Variants in P4HA2 observed in about 807,000 individuals in gnomAD.
The protein encoded by P4HA2 is prolyl 4-hydroxylase subunit alpha 2.
P4HA2 carries 46 observed loss-of-function variants against 76.9 expected under a neutral mutation model. The observed-to-expected ratio is 0.60, with a 90% confidence interval of 0.47 to 0.76. The LOEUF (loss-of-function observed/expected upper bound fraction) is 0.76. P4HA2 is among the 30% of genes least tolerant of loss of function. The probability of loss-of-function intolerance (pLI) is 0.00; values close to 1 mark genes in which losing one functional copy is unlikely to be tolerated. For synonymous variants in P4HA2, 243 were observed against 254.0 expected, an observed-to-expected ratio of 0.96 and a Z score of 0.41; for missense variants, 583 against 669.4, an observed-to-expected ratio of 0.87 and a Z score of 1.42.
chr5:132,216,162 CAAAAAAAAAAAAAAAA>C (rs5871448), intron 4 of P4HA2, among the ~76,000 whole-genome samples: 1 of 63,168 alleles, frequency 1.6e-5, no homozygotes, highest in African/African-American at 6.8e-5. Context: ...GACTCAGTCT[CAAAAAAAAAAAAAAAA>C]AAAAAAAAAG....
At chr5:132,195,363 A>C in intron 13 of P4HA2, 49 bp downstream of exon 13, 1 of 1,360,032 alleles carries the variant, frequency 7.4e-7, no homozygotes, top group Non-Finnish European at 1.1e-6. Flanking sequence ...TGGACAAAGT[A>C]AAGTCTGAGC....
chr5:132,209,904 GCA>G (rs1327419666), intron 6 of P4HA2, among the ~76,000 whole-genome samples: 4 of 151,970 alleles, frequency 2.6e-5, no homozygotes, highest in Admixed American at 2.6e-4. Context: ...GCCTCTAATA[GCA>G]CCGCTACTGT....
chr5:132,211,527 G>T (rs992669066), intron 5 of P4HA2, among the ~76,000 whole-genome samples: 2 of 152,198 alleles, frequency 1.3e-5, no homozygotes, highest in Admixed American at 1.3e-4. Flanking sequence ...AGAGACCAGG[G>T]TCTGCTAACC....
At chr5:132,205,350 G>T (rs1277850008) in intron 8 of P4HA2, among the ~76,000 whole-genome samples, 1 of 152,160 alleles carries the variant, frequency 6.6e-6, no homozygotes, top group East Asian at 1.9e-4. Context: ...AGTAGGTGTG[G>T]ATTAAAGGTT....
chr5:132,224,786 C>G (rs2126641888), intron 1 of P4HA2, among the ~76,000 whole-genome samples: 1 of 152,186 alleles, frequency 6.6e-6, no homozygotes, highest in South Asian at 2.1e-4. Flanking sequence ...CAGGCTCCTA[C>G]AAGTACCCAG....
intron 5 of P4HA2, among the ~76,000 whole-genome samples, chr5:132,212,617 G>A (rs145802072): frequency 1.1e-3 from 175 of 152,226 alleles, no homozygotes; most frequent in Non-Finnish European, 1.9e-3. Flanking sequence ...AAAGGCATCC[G>A]TCTACACTGG....
chr5:132,214,781 C>A (rs1383122509), intron 4 of P4HA2, among the ~76,000 whole-genome samples: 1 of 152,136 alleles, frequency 6.6e-6, no homozygotes, highest in Non-Finnish European at 1.5e-5. Flanking sequence ...CCACTCAGAC[C>A]TTCAATGAGT....
rs182698226 is a variant in P4HA2, at chr5:132,207,546, G to C, written c.1080+162C>G. On this transcript the variant is annotated intron_variant, in intron 8 of 14. Coordinates refer to ENST00000360568, the MANE Select transcript of P4HA2 (RefSeq NM_001017974.2). ...CTTCCACTGGACCATGAACTCACAA[G>C]GTCAGGCTGAGTCTGAAGCATCTCT... Among the ~76,000 whole-genome samples the C allele has an allele frequency of 2.5e-4, 38 of 152,220 alleles. 1 individual carries two copies. The highest frequency in any genetic ancestry group is 2.4e-3 in the Admixed American group (37 of 15,300).
chr5:132,214,986 C>CT, intron 4 of P4HA2, among the ~76,000 whole-genome samples: 1 of 152,216 alleles, frequency 6.6e-6, no homozygotes, highest in Middle Eastern at 3.2e-3. Context: ...AATTCTGCCT[C>CT]TAAGCTGAGA....
At chr5:132,205,428 G>A (rs1368257935) in intron 8 of P4HA2, among the ~76,000 whole-genome samples, 1 of 152,146 alleles carries the variant, frequency 6.6e-6, no homozygotes, top group African/African-American at 2.4e-5. Flanking sequence ...GCAACCTTGT[G>A]GCCAACGAGA....
At chr5:132,220,510 A>C (rs7733502) in intron 1 of P4HA2, among the ~76,000 whole-genome samples, 56,329 of 152,134 alleles carry the variant, frequency 0.37, 11,077 homozygotes, top group Non-Finnish European at 0.45. Context: ...CAGCATCTCT[A>C]CCCAGGTGTG....
chr5:132,218,079 T>C (rs1312040863), intron 2 of P4HA2, among the ~76,000 whole-genome samples: 2 of 152,160 alleles, frequency 1.3e-5, no homozygotes, highest in African/African-American at 4.8e-5. Flanking sequence ...TTGAGATAAG[T>C]GCACTGGATG....
intron 8 of P4HA2, 66 bp downstream of exon 8, chr5:132,207,642 T>G (rs764578135): frequency 3.0e-5 from 43 of 1,411,178 alleles, no homozygotes; most frequent in Non-Finnish European, 4.2e-5. Context: ...CCACCCATAG[T>G]GCTAGGGATG....
chr5:132,224,040 G>A (rs1401354193), intron 1 of P4HA2, among the ~76,000 whole-genome samples: 1 of 152,196 alleles, frequency 6.6e-6, no homozygotes, highest in African/African-American at 2.4e-5. Context: ...TCCATGACAC[G>A]CCTGGCTGGA....
intron 1 of P4HA2, among the ~76,000 whole-genome samples, chr5:132,220,074 G>A (rs183456266): frequency 1.7e-4 from 26 of 152,354 alleles, no homozygotes; most frequent in Middle Eastern, 3.4e-3. Flanking sequence ...AGGGTAGGGC[G>A]TATTGTGCTA....
Position 132,198,860 on chromosome 5 carries a change from C to T in P4HA2, c.1305+19G>A, listed in dbSNP as rs1751079241. 1 of 1,586,748 alleles carries T rather than the reference C, an allele frequency of 6.3e-7. No homozygotes were observed. Among genetic ancestry groups the T allele is most frequent in the Non-Finnish European group, 8.7e-7 (1 of 1,154,964 alleles). ...GCTAGAGCAGGGCCCTTTGAAAGCA[C>T]CTGTGATTTAGGCCTTACCCTAGAG... is the stretch of plus-strand genomic sequence containing the variant. On this transcript the variant is annotated intron_variant, in intron 11 of 14. Transcript: ENST00000360568.
rs1055804919 is a variant in P4HA2, at chr5:132,193,194, A to T, written c.1532-114T>A. On this transcript the variant is annotated intron_variant, in intron 14 of 14. Transcript: ENST00000360568. ...TGCCCTGGAATCAGACACAAATAAG[A>T]CAAGACATGATCTCAGGCCTCAATT... The T allele has an allele frequency of 4.0e-5, 29 of 722,468 alleles. No homozygotes were observed. The African/African-American group carries it at 5.0e-4, about 12-fold the overall frequency. The allele number at this position is 722,468 out of a possible 1,614,324, so 44.8% of individuals were successfully genotyped here. A position where few individuals can be genotyped will look rare whatever the true frequency, so the allele number is the denominator to read the frequency against.
intron 14 of P4HA2, among the ~76,000 whole-genome samples, 196 bp downstream of exon 14, chr5:132,194,730 C>A (rs1750366126): frequency 6.6e-6 from 1 of 152,202 alleles, no homozygotes; most frequent in Admixed American, 6.5e-5. Flanking sequence ...CTGAGTGTTT[C>A]CAACCAGCTG....
chr5:132,202,004 A>G (rs1751561614), intron 10 of P4HA2: 1 of 152,172 alleles, frequency 6.6e-6, no homozygotes, highest in Admixed American at 6.5e-5. Context: ...ATGTCTTTAA[A>G]AACAAAAACA....
Sources: gnomAD v4.1 joint callset for allele counts (sites outside exome capture counted in the v4.1 genomes callset) on GRCh38, gnomAD v4.1.1 for gene constraint, MANE v1.5 for transcripts, NCBI Gene and HGNC (gene_info 2026-07-23, HGNC 2026-07-21) for gene names.